Variants in IFI44 observed in about 807,000 individuals in gnomAD.
IFI44 encodes the protein interferon-induced protein 44.
In IFI44, 42 loss-of-function variants were observed where a neutral mutation model predicts 45.0. The ratio of observed to expected loss-of-function variants is 0.93; its 90% CI spans 0.73 to 1.21. The LOEUF (loss-of-function observed/expected upper bound fraction) is 1.21. IFI44 is among the 50% of genes most tolerant of loss of function. The pLI, the probability that IFI44 is intolerant of heterozygous loss-of-function variation, is 0.00. For missense variants in IFI44, 623 were observed against 525.8 expected, an observed-to-expected ratio of 1.18 and a Z score of -1.81; for synonymous variants, 221 against 188.6, an observed-to-expected ratio of 1.17 and a Z score of -1.41.
At chr1:78,654,146 T>G in intron 2 of IFI44, 97 bp from the exon 3 acceptor site, 1 of 757,030 alleles carries the variant, frequency 1.3e-6, no homozygotes, top group African/African-American at 1.7e-5. Flanking sequence ...AGGCTATTTT[T>G]GTATTTGTCC....
intron 5 of IFI44, among the ~76,000 whole-genome samples, chr1:78,657,495 T>C (rs947262656): frequency 2.0e-5 from 3 of 152,140 alleles, no homozygotes; most frequent in African/African-American, 4.8e-5. Flanking sequence ...TATGAAACCA[T>C]GCACAATATG....
chr1:78,663,268 C>T, intron 8 of IFI44: 1 of 985,140 alleles, frequency 1.0e-6, no homozygotes, highest in Non-Finnish European at 1.2e-6. Flanking sequence ...GATTATTTGC[C>T]CCTTCCTTAG....
At chr1:78,663,204 T>G in intron 8 of IFI44, 1 of 985,344 alleles carries the variant, frequency 1.0e-6, no homozygotes, top group Non-Finnish European at 1.2e-6. Flanking sequence ...GTTTCTTTAC[T>G]TGGGACCTAG....
intron 5 of IFI44, among the ~76,000 whole-genome samples, chr1:78,657,981 G>C (rs1434145911): frequency 1.3e-5 from 2 of 151,940 alleles, no homozygotes; most frequent in Admixed American, 1.3e-4. Flanking sequence ...ATTTCTTCAA[G>C]TAGTCCTGGT....
rs754649998 is a variant in IFI44 at position 78,650,203 on chromosome 1, T to C, written c.8T>C (p.Val3Ala). The C allele has an allele frequency of 1.4e-5, 22 of 1,599,788 alleles. No homozygotes were observed. In the East Asian group the frequency reaches 4.5e-4, roughly 33 times the overall value. The change falls in exon 2 of 9, where the codon GTG becomes GCG. Residue 3 changes from valine to alanine, a missense_variant. Coordinates refer to ENST00000370747, the MANE Select transcript of IFI44 (RefSeq NM_006417.5). MA[V>A]TTRLTWLHEK... ...GCCACTAGATCAAGAAGTATGGCAG[T>C]GACAACTCGTTTGACATGGTTGCAC...
chr1:78,657,525 A>G (rs1647245708), intron 5 of IFI44, among the ~76,000 whole-genome samples: 1 of 152,088 alleles, frequency 6.6e-6, no homozygotes, highest in African/African-American at 2.4e-5. Flanking sequence ...CCCTTTTCTA[A>G]TACTGGTGTT....
At chr1:78,652,360 C>A (rs188429893) in intron 2 of IFI44, among the ~76,000 whole-genome samples, 1 of 152,172 alleles carries the variant, frequency 6.6e-6, no homozygotes, top group Non-Finnish European at 1.5e-5. Context: ...GGATAACAGG[C>A]GTGAGCCACC....
intron 6 of IFI44, among the ~76,000 whole-genome samples, chr1:78,660,334 A>T (rs1647374878): frequency 6.6e-6 from 1 of 152,084 alleles, no homozygotes; most frequent in Non-Finnish European, 1.5e-5. Context: ...CTCATTTGTT[A>T]CCATTGAAAT....
chr1:78,658,237 T>C (rs1647273440), intron 5 of IFI44, among the ~76,000 whole-genome samples: 1 of 152,100 alleles, frequency 6.6e-6, no homozygotes, highest in African/African-American at 2.4e-5. Flanking sequence ...GAATATCATG[T>C]CACAGCTCAT....
chr1:78,655,233 G>C, intron 4 of IFI44, 24 bp downstream of exon 4: 1 of 1,603,604 alleles, frequency 6.2e-7, no homozygotes, highest in Non-Finnish European at 8.5e-7. Context: ...AGGCCACCTA[G>C]CCTTTGCTTC....
In IFI44 at chr1:78,663,349, A is replaced by G. The variant is rs760281907; in HGVS notation, c.1289-416A>G. ...CCTTCATCTTAGTCCCTCTTCATGCAGTATGGTCATTGCTAGGTAGAGGTA... is the reference window on the plus strand; with the variant it reads ...CCTTCATCTTAGTCCCTCTTCATGCGGTATGGTCATTGCTAGGTAGAGGTA... On this transcript the variant is annotated intron_variant, in intron 8 of 8. Transcript: ENST00000370747. 6 of 985,216 alleles carry G rather than the reference A, an allele frequency of 6.1e-6. No individual in the cohort carries two copies. In the Admixed American group the frequency reaches 3.1e-4, roughly 51 times the overall value. The allele number at this position is 985,216 out of a possible 1,614,324, so 61.0% of individuals were successfully genotyped here. A position where few individuals can be genotyped will look rare whatever the true frequency, so the allele number is the denominator to read the frequency against.
intron 2 of IFI44, among the ~76,000 whole-genome samples, chr1:78,651,190 C>T (rs1462204170): frequency 6.6e-6 from 1 of 152,058 alleles, no homozygotes; most frequent in African/African-American, 2.4e-5. Context: ...TTATTGTGCA[C>T]TTTATTTATA....
intron 8 of IFI44, chr1:78,663,383 T>G (rs1374673500): frequency 1.0e-6 from 1 of 985,264 alleles, no homozygotes; most frequent in Non-Finnish European, 1.2e-6. Context: ...TATGTCCTTT[T>G]ATGTAATGGC....
chr1:78,663,887 G>A lies in IFI44; in HGVS notation c.*76G>A. Reference sequence around the variant, plus strand: ...CAGAAAGGAGAAAACACAGACCAAAGAGAAGTATCTAAGACCAAAGGGATG... The same window carrying A: ...CAGAAAGGAGAAAACACAGACCAAAAAGAAGTATCTAAGACCAAAGGGATG... On this transcript the variant is annotated 3_prime_UTR_variant, in exon 9 of 9. Transcript: ENST00000370747. The A allele has an allele frequency of 7.0e-7, 1 of 1,427,382 alleles. No individual in the cohort carries two copies. The highest frequency in any genetic ancestry group is 9.7e-7 in the Non-Finnish European group (1 of 1,034,808). The allele number at this position is 1,427,382 out of a possible 1,614,324, so 88.4% of individuals were successfully genotyped here.
chr1:78,654,139 C>G, intron 2 of IFI44, 104 bp from the exon 3 acceptor site: 1 of 736,054 alleles, frequency 1.4e-6, no homozygotes, highest in Non-Finnish European at 2.5e-6. Flanking sequence ...CATGGAAAGG[C>G]TATTTTTGTA....
chr1:78,653,322 G>T lies in IFI44; in HGVS notation c.458-921G>T, dbSNP rs569851393. On this transcript the variant is annotated intron_variant, in intron 2 of 8. Transcript: ENST00000370747. ...AATTGTGGTTTTTATTTCCTTTTGGGTATTAAAGTTATTTAAGACAGTTCT... is the reference window on the plus strand; with the variant it reads ...AATTGTGGTTTTTATTTCCTTTTGGTTATTAAAGTTATTTAAGACAGTTCT... Among the ~76,000 whole-genome samples the T allele has an allele frequency of 4.6e-5, 7 of 151,988 alleles. No individual in the cohort carries two copies. The East Asian group carries it at 1.4e-3, about 29-fold the overall frequency.
In IFI44 at chr1:78,655,056, A is replaced by T; in HGVS notation, c.537A>T (p.Pro179=). ...TGTCTGCCTTGAGAACTTATGAACCATATGGATCCCTGGTTCAACAAATAC... is the reference window on the plus strand; with the variant it reads ...TGTCTGCCTTGAGAACTTATGAACCTTATGGATCCCTGGTTCAACAAATAC... ...SLLSALRTYE[P]YGSLVQQIRI... The change falls in exon 4 of 9, where the codon CCA becomes CCT. Residue 179 remains proline (P), a synonymous_variant. Transcript: ENST00000370747. 6.2e-7 allele frequency: 1 copy of T among 1,613,942 alleles called. No individual in the cohort carries two copies. Among genetic ancestry groups the T allele is most frequent in the Middle Eastern group, 1.7e-4 (1 of 6,054 alleles).
chr1:78,653,305 T>C (rs1343326759), intron 2 of IFI44, among the ~76,000 whole-genome samples: 6 of 152,110 alleles, frequency 3.9e-5, no homozygotes, highest in Admixed American at 1.3e-4. Context: ...ATAATTGTGG[T>C]TTTTATTTCC....
intron 3 of IFI44, 68 bp downstream of exon 3, chr1:78,654,347 AT>A (rs1647171824): frequency 1.2e-6 from 1 of 820,314 alleles, no homozygotes; most frequent in African/African-American, 1.7e-5. Flanking sequence ...GATAGGTCTC[AT>A]CAATATAATT....
Sources: allele counts gnomAD v4.1 joint callset (sites outside exome capture counted in the v4.1 genomes callset), GRCh38; gene constraint gnomAD v4.1.1; transcripts MANE v1.5; gene names NCBI Gene and HGNC (gene_info 2026-07-23, HGNC 2026-07-21).